SLC12A6: variants seen among roughly 807,000 people sequenced by gnomAD.
The protein encoded by SLC12A6 is K-Cl cotransporter 3.
A neutral mutation model predicts 135.3 loss-of-function variants in SLC12A6; 66 were observed. The ratio of observed to expected loss-of-function variants is 0.49; its 90% CI spans 0.40 to 0.60. The LOEUF is 0.60. Ranked by LOEUF, SLC12A6 falls within the 20% of genes least tolerant of loss-of-function variation. SLC12A6 has a pLI of 0.00. For missense variants in SLC12A6, 1,058 were observed against 1,452.3 expected, an observed-to-expected ratio of 0.73 and a Z score of 4.41; for synonymous variants, 513 against 508.8, an observed-to-expected ratio of 1.01 and a Z score of -0.11.
At chr15:34,281,472 C>T (rs1166360669) in intron 2 of SLC12A6, among the ~76,000 whole-genome samples, 1 of 152,104 alleles carries the variant, frequency 6.6e-6, no homozygotes, top group Non-Finnish European at 1.5e-5. Context: ...CCTAGAAAAA[C>T]TAACATGAGA....
Position 34,245,293 on chromosome 15 carries a change from A to G in SLC12A6, c.1935T>C (p.Ile645=). The G allele has an allele frequency of 6.4e-7, 1 of 1,551,064 alleles. No homozygotes were observed. The highest frequency in any genetic ancestry group is 8.9e-7 in the Non-Finnish European group (1 of 1,122,292). The change falls in exon 15 of 26, where the codon ATT becomes ATC. Residue 645 remains isoleucine (I), a synonymous_variant. Coordinates refer to ENST00000354181, the MANE Select transcript of SLC12A6 (RefSeq NM_001365088.1). ...GAATCACTGGCTCTTACATGGAAAG[A>G]ATTGGGGCCACAAGATCCAGGGAGG... The part of the protein sequence containing the change: ...LIASLDLVAP[I]LSMFFLMCYL...
At chr15:34,313,501 G>A (rs1345685529) in intron 2 of SLC12A6, among the ~76,000 whole-genome samples, 18 of 152,198 alleles carry the variant, frequency 1.2e-4, no homozygotes, top group Admixed American at 1.2e-3. Context: ...TTTAAGGAAA[G>A]AAGACATCTC....
At position 34,336,583 on chromosome 15, in the gene SLC12A6, G is replaced by A. The variant is rs868355789; in HGVS notation, c.98C>T (p.Pro33Leu). The change falls in exon 2 of 26, where the codon CCG becomes CTG. Residue 33 changes from proline (P) to leucine (L), a missense_variant. Physicochemically the swap from Pro to Leu is moderately conservative, Grantham distance 98 (BLOSUM62 -3). Transcript: ENST00000354181. Reference sequence around the variant, plus strand: ...GGAACTAGATCGAGAGCTGAGGTCCGGACTGGTGTCTGACAAACCTGGAAT... The same window carrying A: ...GGAACTAGATCGAGAGCTGAGGTCCAGACTGGTGTCTGACAAACCTGGAAT... Reference protein sequence around the residue: ...DDIPGLSDTSPDLSSRSSSRV... With the variant: ...DDIPGLSDTSLDLSSRSSSRV... 6.2e-7 allele frequency: 1 copy of A among 1,613,628 alleles called. No individual in the cohort carries two copies. Among genetic ancestry groups the A allele is most frequent in the Non-Finnish European group, 8.5e-7 (1 of 1,179,740 alleles).
At chr15:34,267,282 T>C (rs746606494) in intron 3 of SLC12A6, among the ~76,000 whole-genome samples, 8 of 152,178 alleles carry the variant, frequency 5.3e-5, no homozygotes, top group Non-Finnish European at 1.0e-4. Context: ...AGTTGTTTTA[T>C]TGAGACAACA....
intron 2 of SLC12A6, among the ~76,000 whole-genome samples, chr15:34,302,632 T>C (rs1350569563): frequency 6.6e-6 from 1 of 150,450 alleles, no homozygotes; most frequent in Non-Finnish European, 1.5e-5. Flanking sequence ...GAGGCGGAGG[T>C]TGCAGTAAGC....
At chr15:34,319,370 G>C (rs957138306) in intron 2 of SLC12A6, among the ~76,000 whole-genome samples, 2 of 151,548 alleles carry the variant, frequency 1.3e-5, no homozygotes, top group Non-Finnish European at 2.9e-5. Context: ...TCAAACTCCT[G>C]ACCTCAGATG....
At chr15:34,304,977 G>T (rs1287694362) in intron 2 of SLC12A6, among the ~76,000 whole-genome samples, 1 of 152,108 alleles carries the variant, frequency 6.6e-6, no homozygotes, top group Non-Finnish European at 1.5e-5. Context: ...TTTTTGTATA[G>T]TTGTAACATG....
intron 2 of SLC12A6, among the ~76,000 whole-genome samples, chr15:34,312,660 T>C (rs1448198335): frequency 1.3e-5 from 2 of 152,232 alleles, no homozygotes; most frequent in Middle Eastern, 3.2e-3. Context: ...GGTTCTAATA[T>C]ACAGGCATAC....
intron 2 of SLC12A6, among the ~76,000 whole-genome samples, chr15:34,295,123 G>GCAATCT (rs1307758785): frequency 1.3e-5 from 2 of 152,188 alleles, no homozygotes; most frequent in African/African-American, 4.8e-5. Flanking sequence ...CTCATTTACA[G>GCAATCT]CAATCTCATC....
At chr15:34,304,791 T>C (rs1403984515) in intron 2 of SLC12A6, among the ~76,000 whole-genome samples, 1 of 152,336 alleles carries the variant, frequency 6.6e-6, no homozygotes, top group Non-Finnish European at 1.5e-5. Flanking sequence ...GAACTATGCA[T>C]CCTTTGGTTA....
chr15:34,240,822 A>C lies in SLC12A6; in HGVS notation c.2275T>G (p.Leu759Val). The C allele has an allele frequency of 6.2e-7, 1 of 1,612,952 alleles. No homozygotes were observed. Among genetic ancestry groups the C allele is most frequent in the Non-Finnish European group, 8.5e-7 (1 of 1,179,476 alleles). The change falls in exon 19 of 26, where the codon TTG becomes GTG. Residue 759 changes from leucine to valine, a missense_variant. Physicochemically the swap from Leu to Val is conservative, Grantham distance 32. Transcript: ENST00000354181. ...PPHTKNWRPQ[L>V]LVLLKLDEDL... ...TCATCTAGTTTCAGTAATACAAGCAACTGAGGCCTGTGAAGAGGTTGGTGG... is the reference window on the plus strand; with the variant it reads ...TCATCTAGTTTCAGTAATACAAGCACCTGAGGCCTGTGAAGAGGTTGGTGG...
intron 11 of SLC12A6, 24 bp downstream of exon 11, chr15:34,250,875 A>G: frequency 1.3e-6 from 2 of 1,598,206 alleles, no homozygotes; most frequent in Non-Finnish European, 1.7e-6. Context: ...AGCTTCTAAA[A>G]TATACAACAG....
Position 34,257,698 on chromosome 15 carries a change from C to T in SLC12A6, c.634G>A (p.Val212Met). 6.2e-7 allele frequency: 1 copy of T among 1,612,878 alleles called. No individual in the cohort carries two copies. Among genetic ancestry groups the T allele is most frequent in the South Asian group, 1.1e-5 (1 of 91,046 alleles). Reference protein sequence around the residue: ...VILFLRLTWVVGTAGVLQAFA... With the variant: ...VILFLRLTWVMGTAGVLQAFA... Reference sequence around the variant, plus strand: ...GCCTGAAGAACTCCAGCTGTGCCCACCACCCATGTAAGGCGTAAAAAAAGG... The same window carrying T: ...GCCTGAAGAACTCCAGCTGTGCCCATCACCCATGTAAGGCGTAAAAAAAGG... Residue 212 changes from valine to methionine, a missense_variant, in exon 6 of 26, where the codon GTG (valine) becomes ATG (methionine). By Grantham distance (21) the Val-to-Met change is conservative. Coordinates refer to ENST00000354181, the MANE Select transcript of SLC12A6 (RefSeq NM_001365088.1).
At chr15:34,313,531 G>C (rs1255319642) in intron 2 of SLC12A6, among the ~76,000 whole-genome samples, 1 of 152,168 alleles carries the variant, frequency 6.6e-6, no homozygotes, top group African/African-American at 2.4e-5. Context: ...AAAATGCAAG[G>C]TAAAGCAGCA....
intron 15 of SLC12A6, 55 bp downstream of exon 15, chr15:34,245,230 C>T (rs1891900946): frequency 1.1e-6 from 1 of 932,032 alleles, no homozygotes; most frequent in Non-Finnish European, 1.8e-6. Flanking sequence ...TGGAAATAAA[C>T]ATGCATTATT....
At chr15:34,236,322 T>C in intron 23 of SLC12A6, 123 bp from the exon 24 acceptor site, 2 of 782,930 alleles carry the variant, frequency 2.6e-6, no homozygotes, top group South Asian at 2.9e-5. Flanking sequence ...GAATTTGTCA[T>C]CCTTGAAAAC....
intron 2 of SLC12A6, among the ~76,000 whole-genome samples, chr15:34,303,066 T>C (rs1489137814): frequency 6.6e-6 from 1 of 152,020 alleles, no homozygotes; most frequent in African/African-American, 2.4e-5. Flanking sequence ...ATTTTAAAGA[T>C]GGTTTTGGAA....
At chr15:34,312,966 G>A (rs145868385) in intron 2 of SLC12A6, among the ~76,000 whole-genome samples, 127 of 152,322 alleles carry the variant, frequency 8.3e-4, no homozygotes, top group African/African-American at 3.0e-3. Context: ...ATCCATAAAT[G>A]TTGTGTGTGT....
rs1595598905 is a variant in SLC12A6 at position 34,337,180 on chromosome 15, T to C, written c.-73+152A>G. 1.4e-5 allele frequency: 3 copies of C among 219,712 alleles called. No homozygotes were observed. In the South Asian group the frequency reaches 1.7e-4, roughly 13 times the overall value. The allele number at this position is 219,712 out of a possible 1,614,324, so 13.6% of individuals were successfully genotyped here. ...TAGCGTGGATCAGATTGCTAAAAGG[T>C]GTACACCCGGCCACCTGTTGTGTAT... On this transcript the variant is annotated intron_variant, in intron 1 of 25. Transcript: ENST00000354181.
Sources: allele counts gnomAD v4.1 joint callset (sites outside exome capture counted in the v4.1 genomes callset), GRCh38; gene constraint gnomAD v4.1.1; transcripts MANE v1.5; gene names NCBI Gene and HGNC (gene_info 2026-07-23, HGNC 2026-07-21).